The following EML6 variants were observed in gnomAD, a reference collection of about 807,000 sequenced individuals.
EML6 encodes the protein EMAP like 6.
A neutral mutation model predicts 240.1 loss-of-function variants in EML6; 154 were observed. That is an observed-to-expected ratio of 0.64 (90% CI 0.56 to 0.73). The LOEUF (loss-of-function observed/expected upper bound fraction) is 0.73. Ranked by LOEUF, EML6 falls within the 30% of genes least tolerant of loss-of-function variation. EML6 has a pLI of 0.00. For synonymous variants in EML6, 1,148 were observed against 899.0 expected (o/e 1.28, Z -4.95); for missense variants, 2,964 against 2,474.6 (o/e 1.20, Z -4.20).
intron 2 of EML6, among the ~76,000 whole-genome samples, chr2:54,738,211 C>A (rs1683481375): frequency 6.6e-6 from 1 of 152,080 alleles, no homozygotes; most frequent in Non-Finnish European, 1.5e-5. Flanking sequence ...CTACAGTTCT[C>A]ATAATGGAGC....
chr2:54,865,882 G>T (rs978231675), intron 13 of EML6, among the ~76,000 whole-genome samples: 1 of 152,164 alleles, frequency 6.6e-6, no homozygotes, highest in African/African-American at 2.4e-5. Flanking sequence ...GCCCACAGAG[G>T]TTATGAGACC....
rs75810360 is a variant in EML6 at position 54,949,011 on chromosome 2, T to C, written c.4083+51T>C. 7.5e-4 allele frequency: 993 copies of C among 1,322,868 alleles called. 6 individuals carry two copies. The African/African-American group carries it at 0.013, about 17-fold the overall frequency. The allele number at this position is 1,322,868 out of a possible 1,614,324, so 81.9% of individuals were successfully genotyped here. ...TGATATTGACGTTCTAAGACATACC[T>C]GGTAGACATCCCCATCTGCACGTCC... is the stretch of plus-strand genomic sequence containing the variant. On this transcript the variant is annotated intron_variant, in intron 29 of 41. Coordinates refer to ENST00000356458, the MANE Select transcript of EML6 (RefSeq NM_001039753.4).
At chr2:54,915,530 C>A (rs1345920172) in intron 25 of EML6, among the ~76,000 whole-genome samples, 1 of 152,104 alleles carries the variant, frequency 6.6e-6, no homozygotes, top group Admixed American at 6.5e-5. Context: ...CTTGAGTCAC[C>A]TTGGTCTGTG....
rs1038029743 is a variant in EML6 at position 54,959,180 on chromosome 2, C to G, written c.4772C>G (p.Ala1591Gly). 1 of 1,551,636 alleles carries G rather than the reference C, an allele frequency of 6.4e-7. No homozygotes were observed. Among genetic ancestry groups the G allele is most frequent in the Admixed American group, 2.0e-5 (1 of 51,000 alleles). Reference protein sequence around the residue: ...WKDHFLIRLVAKAHTGPVFTM... With the variant: ...WKDHFLIRLVGKAHTGPVFTM... Reference sequence around the variant, plus strand: ...GACCACTTCCTCATCCGGCTGGTGGCCAAGGCTCACACAGGCCCCGTGTTC... The same window carrying G: ...GACCACTTCCTCATCCGGCTGGTGGGCAAGGCTCACACAGGCCCCGTGTTC... The change falls in exon 34 of 42, where the codon GCC becomes GGC. Residue 1591 changes from alanine (A) to glycine (G), a missense_variant. Ala to Gly is a moderately conservative substitution (Grantham distance 60). Coordinates refer to ENST00000356458, the MANE Select transcript of EML6 (RefSeq NM_001039753.4).
At chr2:54,787,517 AGTTT>A (rs778793247) in intron 2 of EML6, among the ~76,000 whole-genome samples, 6 of 152,160 alleles carry the variant, frequency 3.9e-5, no homozygotes, top group Non-Finnish European at 7.4e-5. Flanking sequence ...AAGAGAGATA[AGTTT>A]GTTTATCCTA....
At chr2:54,777,853 T>C (rs1056684064) in intron 2 of EML6, among the ~76,000 whole-genome samples, 2 of 152,238 alleles carry the variant, frequency 1.3e-5, no homozygotes, top group Non-Finnish European at 2.9e-5. Context: ...GAATATGATT[T>C]ATTTATAGCA....
intron 28 of EML6, among the ~76,000 whole-genome samples, chr2:54,932,896 A>G (rs1674935054): frequency 6.6e-6 from 1 of 152,154 alleles, no homozygotes; most frequent in Non-Finnish European, 1.5e-5. Flanking sequence ...TTGATTTATA[A>G]CATAGGGGCT....
At chr2:54,838,134 G>C (rs10205156) in intron 7 of EML6, among the ~76,000 whole-genome samples, 58,778 of 151,998 alleles carry the variant, frequency 0.39, 13,068 homozygotes, top group East Asian at 0.58. Context: ...AGATAAGGCA[G>C]AGTAACTAAG....
intron 2 of EML6, among the ~76,000 whole-genome samples, chr2:54,799,475 A>T (rs1482910877): frequency 1.3e-5 from 2 of 151,828 alleles, no homozygotes; most frequent in Non-Finnish European, 2.9e-5. Context: ...CCTCCTGAGT[A>T]GCTGGGATTA....
In EML6 at chr2:54,789,340, C is replaced by T. The variant is rs192989703; in HGVS notation, c.198-23892C>T. ...CATCCTGGCTAACACGGTGAAACCC[C>T]GTCTCTACTAAAAATACAAAAAAAT... On this transcript the variant is annotated intron_variant, in intron 2 of 41. Coordinates refer to ENST00000356458, the MANE Select transcript of EML6 (RefSeq NM_001039753.4). Among the ~76,000 whole-genome samples the T allele has an allele frequency of 1.3e-3, 197 of 149,086 alleles. 1 individual carries two copies. The highest frequency in any genetic ancestry group is 0.01 in the Admixed American group (155 of 14,770).
At chr2:54,821,883 T>A (rs1239928105) in intron 5 of EML6, among the ~76,000 whole-genome samples, 6 of 152,092 alleles carry the variant, frequency 3.9e-5, no homozygotes, top group Non-Finnish European at 7.4e-5. Context: ...GGCAAATATT[T>A]AACTGCTCAA....
At chr2:54,886,475 C>G (rs1672151148) in intron 17 of EML6, among the ~76,000 whole-genome samples, 1 of 152,082 alleles carries the variant, frequency 6.6e-6, no homozygotes, top group African/African-American at 2.4e-5. Context: ...TGGCCTCTTT[C>G]TTTCTTCTAT....
chr2:54,741,060 T>C (rs139508501), intron 2 of EML6, among the ~76,000 whole-genome samples: 4 of 152,282 alleles, frequency 2.6e-5, no homozygotes, highest in Non-Finnish European at 4.4e-5. Context: ...CAGTGCTTAC[T>C]CTGTAAATGA....
At position 54,813,288 on chromosome 2, in the gene EML6, C is replaced by CGTAT; in HGVS notation, c.254_255insGTAT (p.Cys88TyrfsTer8). 6.5e-7 allele frequency: 1 copy of CGTAT among 1,549,680 alleles called. No individual in the cohort carries two copies. The highest frequency in any genetic ancestry group is 8.7e-7 in the Non-Finnish European group (1 of 1,145,248). On this transcript the variant is annotated frameshift_variant, in exon 3 of 42. Coordinates refer to ENST00000356458, the MANE Select transcript of EML6 (RefSeq NM_001039753.4). LOFTEE classifies it high-confidence loss of function. ...GCAACTGGCCAAGTCGGGAAGGAGC[C>CGTAT]ATATATATGCATATGGGATTCCTAT...
chr2:54,797,069 G>A (rs951958578), intron 2 of EML6, among the ~76,000 whole-genome samples: 1 of 149,314 alleles, frequency 6.7e-6, no homozygotes, highest in African/African-American at 2.5e-5. Flanking sequence ...GGAGGCTGAG[G>A]CAGGAGAATG....
At chr2:54,860,687 C>T (rs1000221616) in intron 12 of EML6, among the ~76,000 whole-genome samples, 2 of 152,190 alleles carry the variant, frequency 1.3e-5, no homozygotes, top group Non-Finnish European at 2.9e-5. Flanking sequence ...GCAGAGGGGG[C>T]AAAGTATATG....
intron 2 of EML6, among the ~76,000 whole-genome samples, chr2:54,732,272 C>T (rs987084173): frequency 6.6e-6 from 1 of 150,806 alleles, no homozygotes; most frequent in Non-Finnish European, 1.5e-5. Flanking sequence ...CTTGGTGGTA[C>T]CCTTGGAAGT....
In EML6 at chr2:54,971,795, G is replaced by C. The variant is rs893140879; in HGVS notation, c.*1700G>C. The C allele has an allele frequency of 6.6e-6, 1 of 152,122 alleles. No individual in the cohort carries two copies. The highest frequency in any genetic ancestry group is 2.4e-5 in the African/African-American group (1 of 41,428). 9.4% of individuals were successfully genotyped at this position (152,122 alleles called of 1,614,324 possible). A position where few individuals can be genotyped will look rare whatever the true frequency, so the allele number is the denominator to read the frequency against. On this transcript the variant is annotated 3_prime_UTR_variant, in exon 42 of 42. Transcript: ENST00000356458. ...TAACCATGTGGAAGAACAATGAATC[G>C]ATTAATGATGACATGTACAACCATA...
At chr2:54,813,423 T>C in intron 3 of EML6, 32 bp downstream of exon 3, 2 of 1,529,508 alleles carry the variant, frequency 1.3e-6, no homozygotes, top group Non-Finnish European at 1.8e-6. Flanking sequence ...TTTTATTTAA[T>C]GACTTCTCAC....
Sources: gnomAD v4.1 joint callset for allele counts (sites outside exome capture counted in the v4.1 genomes callset) on GRCh38, gnomAD v4.1.1 for gene constraint, MANE v1.5 for transcripts, NCBI Gene and HGNC (gene_info 2026-07-23, HGNC 2026-07-21) for gene names.